Variants in HPD observed in about 807,000 individuals in gnomAD.
The protein encoded by HPD is 4-hydroxyphenylpyruvate dioxygenase.
Under a neutral mutation model 56.9 loss-of-function variants are expected in HPD, and 35 were observed. The ratio of observed to expected loss-of-function variants is 0.62; its 90% CI spans 0.47 to 0.82. The LOEUF (loss-of-function observed/expected upper bound fraction) is 0.82, where lower values mean the gene tolerates loss of function less well. Ranked by LOEUF, HPD falls within the 40% of genes least tolerant of loss-of-function variation. The pLI is 0.00. For synonymous variants in HPD, 186 were observed against 200.2 expected, an observed-to-expected ratio of 0.93 and a Z score of 0.60; for missense variants, 442 against 506.8, an observed-to-expected ratio of 0.87 and a Z score of 1.23.
In HPD at chr12:121,856,641, A is replaced by G. The variant is rs200721174; in HGVS notation, c.199-16T>C. The G allele has an allele frequency of 4.3e-5, 69 of 1,613,770 alleles. 1 individual carries two copies. Among genetic ancestry groups the G allele is most frequent in the Non-Finnish European group, 5.5e-5 (65 of 1,179,858 alleles). On this transcript the variant is annotated splice_polypyrimidine_tract_variant and intron_variant, in intron 4 of 13. Coordinates refer to ENST00000289004, the MANE Select transcript of HPD (RefSeq NM_002150.3). The stretch of plus-strand genomic sequence containing the variant: ...CAAACACAATCTAAGATAGGAGGAG[A>G]AGGAGGTGAGGCTAGTGGCTCAGGG...
the HPD span, among the ~76,000 whole-genome samples, chr12:121,868,941 T>C: frequency 6.6e-6 from 1 of 152,196 alleles, no homozygotes; most frequent in Admixed American, 6.6e-5. Flanking sequence ...GGAGTGCAAG[T>C]GCAGTGGCAC....
intron 11 of HPD, among the ~76,000 whole-genome samples, chr12:121,845,138 G>A (rs1309274161): frequency 6.7e-6 from 1 of 148,948 alleles, no homozygotes; most frequent in Non-Finnish European, 1.5e-5. Flanking sequence ...TGAGAGACAG[G>A]GTCTTTGTTC....
chr12:121,857,164 C>T, intron 4 of HPD, 164 bp downstream of exon 4: 1 of 625,894 alleles, frequency 1.6e-6, no homozygotes, highest in Non-Finnish European at 2.9e-6. Context: ...ACTGCAACCT[C>T]TGCCTCCCGG....
the HPD span, among the ~76,000 whole-genome samples, chr12:121,868,991 C>T: frequency 6.6e-6 from 1 of 152,150 alleles, no homozygotes; most frequent in Non-Finnish European, 1.5e-5. Context: ...CTGGCTCCAG[C>T]GATCCTCCCA....
Position 121,849,734 on chromosome 12 carries a change from C to T in HPD, c.471G>A (p.Leu157=). ...TGAACGCTGGGGCCTCATATCCAGG[C>T]AAGAATTGGCCGATGTAGTTCATCT... is the stretch of plus-strand genomic sequence containing the variant. ...VEKMNYIGQF[L]PGYEAPAFMD... is the part of the protein sequence containing the mutation. The change falls in exon 8 of 14, where the codon TTG becomes TTA. Residue 157 remains leucine (L), a synonymous_variant. Coordinates refer to ENST00000289004, the MANE Select transcript of HPD (RefSeq NM_002150.3). The T allele has an allele frequency of 6.2e-7, 1 of 1,613,992 alleles. No individual in the cohort carries two copies. Among genetic ancestry groups the T allele is most frequent in the Non-Finnish European group, 8.5e-7 (1 of 1,179,966 alleles).
intron 3 of HPD, 49 bp from the exon 4 acceptor site, chr12:121,857,481 TG>T (rs1483349885): frequency 2.2e-6 from 3 of 1,391,068 alleles, no homozygotes; most frequent in Non-Finnish European, 2.0e-6. Flanking sequence ...GGGGCCAGCA[TG>T]GGGGACTTCC....
the HPD span, among the ~76,000 whole-genome samples, chr12:121,876,015 T>C: frequency 1.4e-4 from 22 of 151,966 alleles, no homozygotes; most frequent in Admixed American, 1.4e-3. Context: ...TTAGTAAAAA[T>C]GATTAGGAAG....
intron 7 of HPD, among the ~76,000 whole-genome samples, chr12:121,852,710 C>T (rs942725403): frequency 1.4e-5 from 2 of 140,916 alleles, no homozygotes; most frequent in Non-Finnish European, 3.0e-5. Context: ...TCTTGGCTCA[C>T]TGCAACCTCT....
chr12:121,879,712 A>T, the HPD span, among the ~76,000 whole-genome samples: 4 of 152,158 alleles, frequency 2.6e-5, no homozygotes, highest in African/African-American at 9.7e-5. Context: ...ACATATATAG[A>T]TATGACAAGA....
chr12:121,858,249 T>G (rs2620332), intron 2 of HPD, among the ~76,000 whole-genome samples: 1 of 151,980 alleles, frequency 6.6e-6, no homozygotes, highest in Admixed American at 6.6e-5. Flanking sequence ...TCACTGCAAC[T>G]TCCGCCTCCC....
At position 121,856,372 on chromosome 12, in the gene HPD, T is replaced by C. The variant is rs778032429; in HGVS notation, c.276A>G (p.Gly92=). Residue 92 remains glycine (G), a synonymous_variant, in exon 6 of 14, where the codon GGA becomes GGG. Transcript: ENST00000289004. ...MGDHLVKHGD[G]VKDIAFEVED... ...CCACCTCGAACGCAATGTCCTTCACTCCGTCACCGTGTTTCACCAGGTGAT... is the reference window on the plus strand; with the variant it reads ...CCACCTCGAACGCAATGTCCTTCACCCCGTCACCGTGTTTCACCAGGTGAT... The C allele has an allele frequency of 1.2e-6, 2 of 1,614,088 alleles. No individual in the cohort carries two copies. Among genetic ancestry groups the C allele is most frequent in the Non-Finnish European group, 1.7e-6 (2 of 1,180,018 alleles).
chr12:121,847,222 G>A lies in HPD; in HGVS notation c.597-8C>T, dbSNP rs2137616324. On this transcript the variant is annotated splice_polypyrimidine_tract_variant and splice_region_variant and intron_variant, in intron 9 of 13. Transcript: ENST00000289004. ...TGCAGGTTTTTCAGGTACCTGTAGG[G>A]TGGGCGGTGGAACACATATGCTCTG... The A allele has an allele frequency of 6.2e-7, 1 of 1,614,068 alleles. No homozygotes were observed. Among genetic ancestry groups the A allele is most frequent in the South Asian group, 1.1e-5 (1 of 91,064 alleles).
the HPD span, among the ~76,000 whole-genome samples, chr12:121,872,693 C>G: frequency 6.6e-6 from 1 of 151,444 alleles, no homozygotes; most frequent in Non-Finnish European, 1.5e-5. Context: ...CTGGCCAGAA[C>G]TGGCCATATG....
upstream of HPD, among the ~76,000 whole-genome samples, chr12:121,861,965 G>A (rs944623274): frequency 3.9e-5 from 6 of 152,044 alleles, no homozygotes; most frequent in African/African-American, 1.2e-4. Context: ...AGCTATGATC[G>A]CACCACTGCA....
intron 7 of HPD, among the ~76,000 whole-genome samples, chr12:121,850,420 C>G (rs1185903905): frequency 1.5e-5 from 2 of 129,754 alleles, no homozygotes; most frequent in African/African-American, 5.0e-5. Flanking sequence ...GAATGAGACT[C>G]CGTCTCAAAA....
the HPD span, among the ~76,000 whole-genome samples, chr12:121,882,555 C>T: frequency 0.014 from 2,095 of 152,246 alleles, 51 homozygotes; most frequent in African/African-American, 0.048. Flanking sequence ...CTCAAACAGT[C>T]CAACATTTGA....
the HPD span, among the ~76,000 whole-genome samples, chr12:121,877,548 A>T: frequency 1.3e-5 from 2 of 152,190 alleles, no homozygotes; most frequent in African/African-American, 4.8e-5. Flanking sequence ...CCTGGCCAAC[A>T]TGGTAAGACC....
chr12:121,856,173 T>A, intron 6 of HPD, 151 bp downstream of exon 6: 1 of 719,082 alleles, frequency 1.4e-6, no homozygotes, highest in Non-Finnish European at 2.5e-6. Flanking sequence ...CATCTGGGCT[T>A]GTCACTGTGA....
chr12:121,877,505 G>A, the HPD span, among the ~76,000 whole-genome samples: 6 of 152,098 alleles, frequency 3.9e-5, no homozygotes, highest in Admixed American at 2.0e-4. Flanking sequence ...GCAGAGGCAG[G>A]TGGATCACTT....
Sources: gnomAD v4.1 joint callset for allele counts (sites outside exome capture counted in the v4.1 genomes callset) on GRCh38, gnomAD v4.1.1 for gene constraint, MANE v1.5 for transcripts, NCBI Gene and HGNC (gene_info 2026-07-23, HGNC 2026-07-21) for gene names.